MAP4K3: variants seen among roughly 807,000 people sequenced by gnomAD.
The protein encoded by MAP4K3 is MAPK/ERK kinase kinase kinase 3.
In MAP4K3, 94 loss-of-function variants were observed where a neutral mutation model predicts 143.5. The observed-to-expected ratio is 0.65, with a 90% CI of 0.55 to 0.78. The LOEUF is 0.78. Among genes scored for constraint, MAP4K3 ranks in the 30% least tolerant of loss-of-function variants. The pLI is 0.00. For missense variants in MAP4K3, 1,077 were observed against 1,068.1 expected, an observed-to-expected ratio of 1.01 and a Z score of -0.12; for synonymous variants, 416 against 347.2, an observed-to-expected ratio of 1.20 and a Z score of -2.20.
At chr2:39,291,203 T>C (rs1291340053) in intron 18 of MAP4K3, among the ~76,000 whole-genome samples, 1 of 152,228 alleles carries the variant, frequency 6.6e-6, no homozygotes, top group Non-Finnish European at 1.5e-5. Context: ...ATCAGATCAC[T>C]ACATTATATG....
At chr2:39,395,781 A>G (rs865845535) in intron 1 of MAP4K3, among the ~76,000 whole-genome samples, 2 of 152,206 alleles carry the variant, frequency 1.3e-5, no homozygotes, top group South Asian at 2.1e-4. Context: ...AGGGCTCTGG[A>G]AAACACTATC....
Position 39,436,961 on chromosome 2 carries a change from G to C in MAP4K3, c.27C>G (p.Arg9=), listed in dbSNP as rs747208267. The C allele has an allele frequency of 1.2e-6, 2 of 1,612,472 alleles. No individual in the cohort carries two copies. The highest frequency in any genetic ancestry group is 1.7e-6 in the Non-Finnish European group (2 of 1,179,396). ...GCTCGAAGTCCTCCTGCGGGTTCCG[G>C]CGGGACAAATCGAAGCCGGGGTTCA... MNPGFDLS[R]RNPQEDFELI... Residue 9 remains arginine, a synonymous_variant, in exon 1 of 34, where the codon CGC becomes CGG. Transcript: ENST00000263881.
At chr2:39,369,205 G>GTTTTTTTTTTTTTTTTTTTTTT (rs68013609) in intron 2 of MAP4K3, among the ~76,000 whole-genome samples, 10 of 125,376 alleles carry the variant, frequency 8.0e-5, no homozygotes, top group Admixed American at 1.7e-4. Flanking sequence ...TTTTTTTTTT[G>GTTTTTTTTTTTTTTTTTTTTTT]TTTTTTTTGA....
At chr2:39,333,466 G>A in intron 7 of MAP4K3, 66 bp downstream of exon 7, 1 of 1,278,942 alleles carries the variant, frequency 7.8e-7, no homozygotes, top group African/African-American at 1.5e-5. Context: ...TCCTACAAAG[G>A]AAAACATAAA....
At position 39,273,180 on chromosome 2, in the gene MAP4K3, A is replaced by C. The variant is rs116778952; in HGVS notation, c.1795-638T>G. Among the ~76,000 whole-genome samples the C allele has an allele frequency of 8.2e-3, 1,252 of 152,242 alleles. 15 individuals carry two copies. Among genetic ancestry groups the C allele is most frequent in the African/African-American group, 0.028 (1,176 of 41,546 alleles). On this transcript the variant is annotated intron_variant, in intron 24 of 33. Transcript: ENST00000263881. ...AAGAAAAAGGAATTTCATGGAACAC[A>C]ATCTATATATTTAAAAAAAAATACT...
At chr2:39,402,664 A>C (rs1301075073) in intron 1 of MAP4K3, among the ~76,000 whole-genome samples, 3 of 152,154 alleles carry the variant, frequency 2.0e-5, no homozygotes, top group Non-Finnish European at 4.4e-5. Context: ...CCTCAATTAA[A>C]TAGAAAATAA....
chr2:39,343,456 T>C lies in MAP4K3; in HGVS notation c.246-4A>G, dbSNP rs758530963. 1.2e-6 allele frequency: 2 copies of C among 1,611,542 alleles called. No homozygotes were observed. The highest frequency in any genetic ancestry group is 1.7e-6 in the Non-Finnish European group (2 of 1,178,340). On this transcript the variant is annotated splice_region_variant and splice_polypyrimidine_tract_variant and intron_variant, in intron 3 of 33. Transcript: ENST00000263881. Reference sequence around the variant, plus strand: ...GCAAATCCAAAGCTTATCTCGCCTATAAAGAGAAAAGAAGCATGTATCATA... The same window carrying C: ...GCAAATCCAAAGCTTATCTCGCCTACAAAGAGAAAAGAAGCATGTATCATA...
chr2:39,261,937 AAAG>A (rs1317694682), intron 28 of MAP4K3, among the ~76,000 whole-genome samples: 2 of 152,184 alleles, frequency 1.3e-5, no homozygotes, highest in Non-Finnish European at 1.5e-5. Context: ...CCTTTGTAAA[AAAG>A]AAGCAGGGAG....
At chr2:39,352,977 A>G (rs1193427607) in intron 3 of MAP4K3, among the ~76,000 whole-genome samples, 2 of 152,170 alleles carry the variant, frequency 1.3e-5, no homozygotes, top group East Asian at 1.9e-4. Flanking sequence ...TTCAAACAAG[A>G]TCCTCCTTTG....
At chr2:39,379,617 T>C (rs1314172361) in intron 1 of MAP4K3, 2 of 156,942 alleles carry the variant, frequency 1.3e-5, no homozygotes, top group Non-Finnish European at 2.9e-5. Flanking sequence ...GTCATAAAGC[T>C]TTTCAAGCAC....
At chr2:39,332,444 C>T (rs573616769) in intron 7 of MAP4K3, among the ~76,000 whole-genome samples, 2 of 152,098 alleles carry the variant, frequency 1.3e-5, no homozygotes, top group East Asian at 1.9e-4. Flanking sequence ...CTTGAAAAGA[C>T]ATCCAATCAG....
At chr2:39,258,755 T>C (rs1388096762) in intron 29 of MAP4K3, among the ~76,000 whole-genome samples, 168 bp from the exon 30 acceptor site, 2 of 152,214 alleles carry the variant, frequency 1.3e-5, no homozygotes, top group East Asian at 3.8e-4. Context: ...CTGATGCAAG[T>C]GCTAAACAAC....
In MAP4K3 at chr2:39,288,262, G is replaced by A; in HGVS notation, c.1333C>T (p.Pro445Ser). ...TCCTCAGTAGAATGCATTTCCTGTG[G>A]TATGAAGATAGACTTAGGCTGAAAT... ...LPPKPKSIFI[P>S]QEMHSTEDEN... is the part of the protein sequence containing the mutation. The change falls in exon 20 of 34, where the codon CCA becomes TCA. Residue 445 changes from proline to serine, a missense_variant. Coordinates refer to ENST00000263881, the MANE Select transcript of MAP4K3 (RefSeq NM_003618.4). The A allele has an allele frequency of 6.2e-7, 1 of 1,613,874 alleles. No individual in the cohort carries two copies. The highest frequency in any genetic ancestry group is 1.3e-5 in the African/African-American group (1 of 75,022).
chr2:39,336,409 T>C (rs565463917), intron 6 of MAP4K3, among the ~76,000 whole-genome samples: 6 of 131,954 alleles, frequency 4.5e-5, no homozygotes, highest in African/African-American at 1.7e-4. Context: ...GGAGGGGAGG[T>C]TGCAGTGAGC....
At chr2:39,391,233 C>A (rs1471698191) in intron 1 of MAP4K3, among the ~76,000 whole-genome samples, 2 of 151,238 alleles carry the variant, frequency 1.3e-5, no homozygotes, top group African/African-American at 4.9e-5. Flanking sequence ...GTGGCGGGTG[C>A]CTGTAGTCTC....
intron 18 of MAP4K3, among the ~76,000 whole-genome samples, 159 bp from the exon 19 acceptor site, chr2:39,290,493 A>G (rs1425148715): frequency 2.0e-5 from 3 of 152,178 alleles, no homozygotes; most frequent in East Asian, 3.8e-4. Flanking sequence ...AAATGTTGCT[A>G]GAGGTATTAT....
chr2:39,427,151 C>G (rs1665114584), intron 1 of MAP4K3, among the ~76,000 whole-genome samples: 1 of 151,662 alleles, frequency 6.6e-6, no homozygotes, highest in African/African-American at 2.4e-5. Context: ...CAACAGGTAA[C>G]CAGAAGACAA....
chr2:39,345,837 G>C (rs1573179678), intron 3 of MAP4K3, among the ~76,000 whole-genome samples: 1 of 147,112 alleles, frequency 6.8e-6, no homozygotes, highest in East Asian at 2.0e-4. Flanking sequence ...CAGGAGAATG[G>C]CATGAACCCG....
At chr2:39,387,365 C>T (rs1464890221) in intron 1 of MAP4K3, among the ~76,000 whole-genome samples, 3 of 152,164 alleles carry the variant, frequency 2.0e-5, no homozygotes, top group Non-Finnish European at 4.4e-5. Flanking sequence ...AATCCATGAA[C>T]ACTACTGGCA....
Sources: gnomAD v4.1 joint callset for allele counts (sites outside exome capture counted in the v4.1 genomes callset) on GRCh38, gnomAD v4.1.1 for gene constraint, MANE v1.5 for transcripts, NCBI Gene and HGNC (gene_info 2026-07-23, HGNC 2026-07-21) for gene names.